PXDNL: variants seen among roughly 807,000 people sequenced by gnomAD.
The protein encoded by PXDNL is probable oxidoreductase PXDNL.
PXDNL carries 145 observed loss-of-function variants against 150.8 expected under a neutral mutation model. The ratio of observed to expected loss-of-function variants is 0.96; its 90% CI spans 0.84 to 1.10. PXDNL has a LOEUF of 1.10. Among genes scored for constraint, PXDNL ranks in the 50% least tolerant of loss-of-function variants. The pLI is 0.00. For synonymous variants in PXDNL, 757 were observed against 725.7 expected, an observed-to-expected ratio of 1.04 and a Z score of -0.69; for missense variants, 2,087 against 1,873.9, an observed-to-expected ratio of 1.11 and a Z score of -2.10.
At chr8:51,446,283 T>C (rs949669190) in intron 12 of PXDNL, among the ~76,000 whole-genome samples, 1 of 152,206 alleles carries the variant, frequency 6.6e-6, no homozygotes, top group African/African-American at 2.4e-5. Flanking sequence ...GAACAAATTG[T>C]AGCAAATTGT....
intron 5 of PXDNL, among the ~76,000 whole-genome samples, chr8:51,488,590 G>GA (rs1810820893): frequency 6.6e-6 from 1 of 152,116 alleles, no homozygotes; most frequent in African/African-American, 2.4e-5. Flanking sequence ...AAACTCAAGA[G>GA]AAAAAGCCTT....
Position 51,698,682 on chromosome 8 carries a change from C to T in PXDNL, c.165-43922G>A, listed in dbSNP as rs138961005. 9.5e-3 allele frequency among the ~76,000 whole-genome samples: 1,441 copies of T among 152,268 alleles called. 15 individuals carry two copies. Among genetic ancestry groups the T allele is most frequent in the Non-Finnish European group, 0.013 (892 of 68,028 alleles). On this transcript the variant is annotated intron_variant, in intron 1 of 22. Transcript: ENST00000356297. ...CTTAACATTATCTAAAATGGTAAATCCTTTCCAGAAACCTTTCAATTTACT... is the reference window on the plus strand; with the variant it reads ...CTTAACATTATCTAAAATGGTAAATTCTTTCCAGAAACCTTTCAATTTACT...
Position 51,654,759 on chromosome 8 carries a change from C to T in PXDNL, c.166G>A (p.Asp56Asn). 6.2e-7 allele frequency: 1 copy of T among 1,612,338 alleles called. No homozygotes were observed. Among genetic ancestry groups the T allele is most frequent in the Non-Finnish European group, 8.5e-7 (1 of 1,178,720 alleles). ...PQVPQQTTVL[D>N]LRFNRIREIP... is the part of the protein sequence containing the mutation. ...TCTCTTATTCTGTTAAACCTCAAGTCTCTGGGAACATAAAAAGGTGAAGAA... is the reference window on the plus strand; with the variant it reads ...TCTCTTATTCTGTTAAACCTCAAGTTTCTGGGAACATAAAAAGGTGAAGAA... Residue 56 changes from aspartate (D) to asparagine (N), a missense_variant and splice_region_variant, in exon 2 of 23, where the codon GAC becomes AAC. By Grantham distance (23) the Asp-to-Asn change is conservative. Transcript: ENST00000356297.
chr8:51,598,423 G>A (rs1173734043), intron 2 of PXDNL, among the ~76,000 whole-genome samples: 1 of 152,082 alleles, frequency 6.6e-6, no homozygotes, highest in Non-Finnish European at 1.5e-5. Flanking sequence ...CTTGTTTCTT[G>A]AGAGTTTTCA....
chr8:51,755,496 G>T (rs536333594), intron 1 of PXDNL, among the ~76,000 whole-genome samples: 55 of 151,986 alleles, frequency 3.6e-4, no homozygotes, highest in Non-Finnish European at 6.2e-4. Flanking sequence ...ATTTTGCCAT[G>T]TTGCAGGCTG....
At chr8:51,525,289 T>C (rs1811746189) in intron 4 of PXDNL, among the ~76,000 whole-genome samples, 1 of 152,220 alleles carries the variant, frequency 6.6e-6, no homozygotes. Context: ...GTAGATTTTA[T>C]GGTATGTAAA....
At chr8:51,545,765 T>C (rs4407870) in intron 4 of PXDNL, among the ~76,000 whole-genome samples, 29,739 of 152,024 alleles carry the variant, frequency 0.2, 3,545 homozygotes, top group African/African-American at 0.32. Flanking sequence ...GAGGGCACGG[T>C]CTTCTTGGTC....
chr8:51,492,441 C>T (rs562800615), intron 5 of PXDNL, among the ~76,000 whole-genome samples: 1 of 152,242 alleles, frequency 6.6e-6, no homozygotes, highest in South Asian at 2.1e-4. Flanking sequence ...GGGTGCAGGA[C>T]AGTGGGTGCA....
intron 12 of PXDNL, among the ~76,000 whole-genome samples, chr8:51,439,958 C>T (rs934288697): frequency 6.6e-6 from 1 of 151,670 alleles, no homozygotes; most frequent in Non-Finnish European, 1.5e-5. Context: ...TATAACAGCA[C>T]AATTTGCAAT....
chr8:51,486,612 CT>C (rs1266090628), intron 5 of PXDNL, among the ~76,000 whole-genome samples: 2 of 149,748 alleles, frequency 1.3e-5, no homozygotes, highest in Admixed American at 1.3e-4. Context: ...TCCTTTTTTT[CT>C]TTCTTCTTTC....
intron 12 of PXDNL, among the ~76,000 whole-genome samples, chr8:51,441,404 C>G (rs1809545648): frequency 6.6e-6 from 1 of 152,140 alleles, no homozygotes; most frequent in Non-Finnish European, 1.5e-5. Flanking sequence ...AAGTGTCACA[C>G]AGAAGCGGAG....
intron 3 of PXDNL, among the ~76,000 whole-genome samples, chr8:51,570,685 G>C (rs1424346112): frequency 6.6e-6 from 1 of 151,592 alleles, no homozygotes; most frequent in Non-Finnish European, 1.5e-5. Flanking sequence ...TATTCATGTA[G>C]GTTTACTAAC....
intron 17 of PXDNL, among the ~76,000 whole-genome samples, chr8:51,380,331 T>G (rs17263031): frequency 0.032 from 4,886 of 152,232 alleles, 213 homozygotes; most frequent in African/African-American, 0.096. Context: ...CAGTTTAATT[T>G]TAAAATCAGC....
At chr8:51,530,927 A>G (rs192037916) in intron 4 of PXDNL, among the ~76,000 whole-genome samples, 168 of 152,316 alleles carry the variant, frequency 1.1e-3, no homozygotes, top group African/African-American at 3.8e-3. Flanking sequence ...ATTGATTTCC[A>G]GTGCCTAGAA....
At chr8:51,436,184 A>C (rs1414601677) in intron 12 of PXDNL, 2 of 521,636 alleles carry the variant, frequency 3.8e-6, no homozygotes, top group Non-Finnish European at 3.9e-6. Context: ...ACACCGTGGT[A>C]TCATCCCAAA....
chr8:51,704,036 C>T (rs1467986321), intron 1 of PXDNL, among the ~76,000 whole-genome samples: 2 of 152,164 alleles, frequency 1.3e-5, no homozygotes, highest in Non-Finnish European at 2.9e-5. Flanking sequence ...ATGGCATTGC[C>T]TATAAAATAG....
At chr8:51,798,053 C>T (rs953058014) in intron 1 of PXDNL, among the ~76,000 whole-genome samples, 1 of 152,062 alleles carries the variant, frequency 6.6e-6, no homozygotes, top group African/African-American at 2.4e-5. Flanking sequence ...CTTCAACAAA[C>T]CTGACAAAAA....
At chr8:51,495,232 T>G (rs201536542) in intron 5 of PXDNL, among the ~76,000 whole-genome samples, 9 of 151,762 alleles carry the variant, frequency 5.9e-5, no homozygotes, top group East Asian at 3.9e-4. Context: ...TTGAAACCAA[T>G]GAGAACAAAG....
intron 14 of PXDNL, among the ~76,000 whole-genome samples, chr8:51,421,711 A>C (rs1215411516): frequency 6.6e-6 from 1 of 152,196 alleles, no homozygotes; most frequent in African/African-American, 2.4e-5. Context: ...AAAAAATAAA[A>C]AGCAATTTTA....
Sources: gnomAD v4.1 joint callset for allele counts (sites outside exome capture counted in the v4.1 genomes callset) on GRCh38, gnomAD v4.1.1 for gene constraint, MANE v1.5 for transcripts, NCBI Gene and HGNC (gene_info 2026-07-23, HGNC 2026-07-21) for gene names.